PRKACB: variants seen among roughly 807,000 people sequenced by gnomAD.
The protein encoded by PRKACB is cAMP-dependent protein kinase catalytic subunit beta.
Under a neutral mutation model 51.4 loss-of-function variants are expected in PRKACB, and 16 were observed. That is an observed-to-expected ratio of 0.31 (90% CI 0.21 to 0.47). The LOEUF is 0.47. Ranked by LOEUF, PRKACB falls within the 20% of genes least tolerant of loss-of-function variation. The pLI is 1.00. For synonymous variants in PRKACB, 147 were observed against 154.4 expected, an observed-to-expected ratio of 0.95 and a Z score of 0.35; for missense variants, 309 against 464.5, an observed-to-expected ratio of 0.67 and a Z score of 3.08.
In PRKACB at chr1:84,144,519, C is replaced by G. The variant is rs1407369853; in HGVS notation, c.158C>G (p.Ser53Cys). ...TALENDSLHFSEHTALWDRSM... is the reference protein window; with the variant it reads ...TALENDSLHFCEHTALWDRSM... ...CTGGAAAATGACAGCCTTCATTTCT[C>G]TGAACATACTGCCTTATGGGACAGA... is the stretch of plus-strand genomic sequence containing the variant. Residue 53 changes from serine (S) to cysteine (C), a missense_variant, in exon 1 of 10, where the codon TCT (serine) becomes TGT (cysteine). By Grantham distance (112) the Ser-to-Cys change is moderately radical. Coordinates refer to ENST00000370685, the MANE Select transcript of PRKACB (RefSeq NM_182948.4). 1 of 1,609,774 alleles carries G rather than the reference C, an allele frequency of 6.2e-7. No homozygotes were observed. The highest frequency in any genetic ancestry group is 1.7e-5 in the Admixed American group (1 of 58,760).
At chr1:84,148,142 A>G (rs1369041538) in intron 1 of PRKACB, among the ~76,000 whole-genome samples, 1 of 152,118 alleles carries the variant, frequency 6.6e-6, no homozygotes, top group Non-Finnish European at 1.5e-5. Flanking sequence ...TCCTTTTACA[A>G]CAGTGCTTGT....
chr1:84,141,906 CT>C (rs894231844), upstream of PRKACB, among the ~76,000 whole-genome samples: 6 of 152,046 alleles, frequency 3.9e-5, no homozygotes, highest in African/African-American at 1.4e-4. Context: ...CACATTGGCA[CT>C]GAGTAAAAAT....
intron 9 of PRKACB, among the ~76,000 whole-genome samples, chr1:84,223,781 T>G (rs1674131185): frequency 6.6e-6 from 1 of 152,236 alleles, no homozygotes. Flanking sequence ...TCACTGAGCT[T>G]CTTTAATATC....
chr1:84,079,997 G>C (rs1246422375), intron 1 of PRKACB, among the ~76,000 whole-genome samples: 2 of 152,130 alleles, frequency 1.3e-5, no homozygotes. Context: ...CACAAATATA[G>C]TAACTAACTG....
chr1:84,087,037 G>A (rs1450427985), intron 1 of PRKACB, among the ~76,000 whole-genome samples: 1 of 152,222 alleles, frequency 6.6e-6, no homozygotes, highest in Non-Finnish European at 1.5e-5. Context: ...ACAAGTAAAG[G>A]AGCCATCAAA....
At chr1:84,164,187 C>T in intron 1 of PRKACB, 2 of 1,136,374 alleles carry the variant, frequency 1.8e-6, no homozygotes, top group South Asian at 2.2e-5. Flanking sequence ...TCTTCCATAA[C>T]ACAGAATGTT....
chr1:84,172,655 AG>A (rs1201606123), intron 1 of PRKACB, among the ~76,000 whole-genome samples: 1 of 151,694 alleles, frequency 6.6e-6, no homozygotes, highest in East Asian at 1.9e-4. Flanking sequence ...TCTCATTAAA[AG>A]TGTTTATATT....
intron 9 of PRKACB, among the ~76,000 whole-genome samples, chr1:84,233,386 T>C (rs1306450257): frequency 6.9e-6 from 1 of 144,130 alleles, no homozygotes; most frequent in Non-Finnish European, 1.5e-5. Flanking sequence ...CTGACAATTA[T>C]GTGTCTTGGA....
intron 1 of PRKACB, among the ~76,000 whole-genome samples, chr1:84,086,384 A>G (rs1456334895): frequency 6.6e-6 from 1 of 152,096 alleles, no homozygotes; most frequent in Non-Finnish European, 1.5e-5. Flanking sequence ...CCATCAGAAG[A>G]TGGTGCTGCT....
At chr1:84,136,897 A>G (rs1198464770) in intron 1 of PRKACB, among the ~76,000 whole-genome samples, 1 of 152,212 alleles carries the variant, frequency 6.6e-6, no homozygotes, top group Non-Finnish European at 1.5e-5. Flanking sequence ...CATGTGTCAA[A>G]GAAGAAACCA....
Position 84,184,017 on chromosome 1 carries a change from T to G in PRKACB, c.379-20T>G. 6.4e-7 allele frequency: 1 copy of G among 1,559,536 alleles called. No homozygotes were observed. The highest frequency in any genetic ancestry group is 8.6e-7 in the Non-Finnish European group (1 of 1,157,410). ...AATTTTGCTTAAATACATTAAGAGA[T>G]ATTTATCTCTCAATTACAGGTTGTT... is the stretch of plus-strand genomic sequence containing the variant. On this transcript the variant is annotated intron_variant, in intron 3 of 9. Transcript: ENST00000370685.
At chr1:84,206,117 C>A (rs1671304148) in intron 8 of PRKACB, among the ~76,000 whole-genome samples, 1 of 152,068 alleles carries the variant, frequency 6.6e-6, no homozygotes, top group Non-Finnish European at 1.5e-5. Flanking sequence ...GTAACAGCTA[C>A]TATGGAAACC....
intron 1 of PRKACB, among the ~76,000 whole-genome samples, chr1:84,167,327 C>T (rs1657833586): frequency 6.6e-6 from 1 of 151,550 alleles, no homozygotes; most frequent in African/African-American, 2.4e-5. Context: ...AGGTCACATG[C>T]AATCAATGAC....
chr1:84,122,346 A>G (rs1175457518), intron 1 of PRKACB, among the ~76,000 whole-genome samples: 2 of 152,168 alleles, frequency 1.3e-5, no homozygotes, highest in African/African-American at 4.8e-5. Flanking sequence ...TTTGGCCTTC[A>G]GTTTTCTCTT....
chr1:84,098,783 G>A (rs1383418937), intron 1 of PRKACB, among the ~76,000 whole-genome samples: 2 of 152,094 alleles, frequency 1.3e-5, no homozygotes. Context: ...TGCCAAGCAA[G>A]TATAGACAAA....
At chr1:84,085,813 C>T in intron 1 of PRKACB, 1 of 421,362 alleles carries the variant, frequency 2.4e-6, no homozygotes, top group Non-Finnish European at 4.4e-6. Flanking sequence ...GGATCGGTGG[C>T]CACCTCTCAC....
chr1:84,086,190 A>G (rs1235695082), intron 1 of PRKACB: 3 of 1,598,756 alleles, frequency 1.9e-6, no homozygotes, highest in Non-Finnish European at 2.6e-6. Context: ...GGCATCAAAG[A>G]TGAGGATCAG....
At chr1:84,212,511 G>GTCTAT (rs928692127) in intron 8 of PRKACB, among the ~76,000 whole-genome samples, 31 of 148,986 alleles carry the variant, frequency 2.1e-4, no homozygotes, top group African/African-American at 8.1e-4. Flanking sequence ...AAATTAAGGA[G>GTCTAT]TCTATATATT....
At chr1:84,127,137 A>T (rs1651689058) in intron 1 of PRKACB, among the ~76,000 whole-genome samples, 1 of 152,154 alleles carries the variant, frequency 6.6e-6, no homozygotes. Context: ...TCAGGTCTTG[A>T]CAGCTGTGTA....
Sources: allele counts gnomAD v4.1 joint callset (sites outside exome capture counted in the v4.1 genomes callset), GRCh38; gene constraint gnomAD v4.1.1; transcripts MANE v1.5; gene names NCBI Gene and HGNC (gene_info 2026-07-23, HGNC 2026-07-21).